The following BASP1 variants were observed in gnomAD, a reference collection of about 807,000 sequenced individuals.
BASP1 encodes the protein brain abundant membrane attached signal protein 1, also known as brain acid soluble protein 1.
A neutral mutation model predicts 2.2 loss-of-function variants in BASP1; 1 was observed. The observed-to-expected ratio is 0.46, with a 90% CI of 0.16 to 2.17. The LOEUF (loss-of-function observed/expected upper bound fraction) is 2.17, where lower values mean the gene tolerates loss of function less well. Among genes scored for constraint, BASP1 ranks in the 30% most tolerant of loss-of-function variants. BASP1 has a pLI of 0.27. For synonymous variants in BASP1, 187 were observed against 154.2 expected, an observed-to-expected ratio of 1.21 and a Z score of -1.58; for missense variants, 352 against 327.2, an observed-to-expected ratio of 1.08 and a Z score of -0.58.
At chr5:17,265,573 C>G (rs1259058910) in intron 1 of BASP1, among the ~76,000 whole-genome samples, 1 of 152,136 alleles carries the variant, frequency 6.6e-6, no homozygotes, top group African/African-American at 2.4e-5. Context: ...CTTAGACCTG[C>G]CACAAAGCAC....
chr5:17,262,478 C>A (rs2126515181), intron 1 of BASP1, among the ~76,000 whole-genome samples: 1 of 152,290 alleles, frequency 6.6e-6, no homozygotes, highest in East Asian at 1.9e-4. Context: ...GTCTTTGTTT[C>A]CTCATGCTAA....
intron 1 of BASP1, among the ~76,000 whole-genome samples, chr5:17,264,354 T>C (rs1357198665): frequency 6.6e-6 from 1 of 152,252 alleles, no homozygotes. Context: ...TTCTTTCCAC[T>C]TGTGTAATTA....
chr5:17,261,289 G>A (rs1471583594), intron 1 of BASP1, among the ~76,000 whole-genome samples: 1 of 152,138 alleles, frequency 6.6e-6, no homozygotes, highest in Non-Finnish European at 1.5e-5. Flanking sequence ...TTGCATACCG[G>A]TTGTTTCACA....
At chr5:17,258,107 T>TG (rs1740251370) in intron 1 of BASP1, among the ~76,000 whole-genome samples, 1 of 152,108 alleles carries the variant, frequency 6.6e-6, no homozygotes, top group East Asian at 1.9e-4. Flanking sequence ...GGAGAGTAGG[T>TG]CTGGGTCATT....
intron 1 of BASP1, among the ~76,000 whole-genome samples, chr5:17,235,511 C>T (rs1321629063): frequency 1.3e-5 from 2 of 152,094 alleles, no homozygotes; most frequent in African/African-American, 4.8e-5. Context: ...ATCAGCCCAC[C>T]TCGGCCTCCC....
At position 17,275,654 on chromosome 5, in the gene BASP1, G is replaced by C. The variant is rs1344240856; in HGVS notation, c.438G>C (p.Gly146=). ...GGGAGGAGCCCAGCAAGGAGGAAGG[G>C]GAACCCAAAAAGACTGAGGCGCCCG... ...AAGEEPSKEE[G]EPKKTEAPAA... Residue 146 remains glycine (G), a synonymous_variant, in exon 2 of 2, where the codon GGG becomes GGC. Transcript: ENST00000322611. This position sits in a 1 kb window ranked among gnomAD's most constrained non-coding sequence, Gnocchi z 5.3. 6.5e-7 allele frequency: 1 copy of C among 1,539,890 alleles called. No homozygotes were observed. The highest frequency in any genetic ancestry group is 1.2e-5 in the South Asian group (1 of 83,664).
intron 1 of BASP1, among the ~76,000 whole-genome samples, chr5:17,218,486 A>G (rs1467404012): frequency 6.6e-6 from 1 of 152,160 alleles, no homozygotes; most frequent in Non-Finnish European, 1.5e-5. Context: ...CAGCCTCGTC[A>G]GTGGCGGAAT....
chr5:17,219,172 A>G (rs1739339146), intron 1 of BASP1, among the ~76,000 whole-genome samples: 1 of 151,686 alleles, frequency 6.6e-6, no homozygotes, highest in Admixed American at 6.6e-5. Flanking sequence ...AAATGAATGA[A>G]TCGGGACTGT....
intron 1 of BASP1, among the ~76,000 whole-genome samples, chr5:17,233,224 G>A (rs2126494307): frequency 6.6e-6 from 1 of 152,316 alleles, no homozygotes; most frequent in South Asian, 2.1e-4. Context: ...ATACCTGTGA[G>A]CTGGGTTGAA....
At chr5:17,239,991 C>G (rs982994165) in intron 1 of BASP1, among the ~76,000 whole-genome samples, 2 of 152,000 alleles carry the variant, frequency 1.3e-5, no homozygotes, top group Non-Finnish European at 2.9e-5. Context: ...ACCAAAATTC[C>G]TACGTTGGAA....
At chr5:17,270,083 C>T (rs907162468) in intron 1 of BASP1, among the ~76,000 whole-genome samples, 1 of 152,166 alleles carries the variant, frequency 6.6e-6, no homozygotes, top group East Asian at 1.9e-4. Context: ...TCACCGCAAC[C>T]TCCACTTCCC....
intron 1 of BASP1, among the ~76,000 whole-genome samples, chr5:17,221,152 A>G (rs1433182732): frequency 6.6e-6 from 1 of 152,144 alleles, no homozygotes; most frequent in Non-Finnish European, 1.5e-5. Context: ...GTCTTTCTAA[A>G]TATGTGTTTG....
At chr5:17,267,076 T>C (rs146423172) in intron 1 of BASP1, among the ~76,000 whole-genome samples, 67 of 152,328 alleles carry the variant, frequency 4.4e-4, no homozygotes, top group African/African-American at 1.5e-3. Context: ...CCTTGTGAGA[T>C]TGATTTAAAC....
At position 17,245,111 on chromosome 5, in the gene BASP1, G is replaced by A. The variant is rs545702273; in HGVS notation, c.-10+27301G>A. ...GAGGTCAGGAGTTCAAGACCAGCCT[G>A]ACCAATATGATGAAACCCCGTCTCT... On this transcript the variant is annotated intron_variant, in intron 1 of 1. Coordinates refer to ENST00000322611, the MANE Select transcript of BASP1 (RefSeq NM_006317.5). 1.6e-4 allele frequency among the ~76,000 whole-genome samples: 24 copies of A among 151,724 alleles called. No individual in the cohort carries two copies. The Middle Eastern group carries it at 0.01, about 65-fold the overall frequency.
chr5:17,249,019 C>G (rs1217247647), intron 1 of BASP1, among the ~76,000 whole-genome samples: 1 of 152,144 alleles, frequency 6.6e-6, no homozygotes, highest in Non-Finnish European at 1.5e-5. Context: ...ATTGTAGAGG[C>G]TCATTGGCAT....
intron 1 of BASP1, among the ~76,000 whole-genome samples, chr5:17,230,569 CATTTT>C (rs1463292986): frequency 6.6e-6 from 1 of 151,886 alleles, no homozygotes; most frequent in African/African-American, 2.4e-5. Context: ...ATTATTATTT[CATTTT>C]ATTTTATTTT....
intron 1 of BASP1, among the ~76,000 whole-genome samples, chr5:17,247,178 CT>C (rs1251875574): frequency 2.0e-5 from 3 of 152,176 alleles, no homozygotes; most frequent in Non-Finnish European, 4.4e-5. Flanking sequence ...GAGCCAGACC[CT>C]GTCTCTAAAT....
intron 1 of BASP1, among the ~76,000 whole-genome samples, chr5:17,267,455 A>G (rs1277653806): frequency 6.6e-6 from 1 of 152,210 alleles, no homozygotes; most frequent in Non-Finnish European, 1.5e-5. Flanking sequence ...AATGTTAAAA[A>G]ACATTCTGTG....
chr5:17,242,232 A>C (rs1168983807), intron 1 of BASP1, among the ~76,000 whole-genome samples: 2 of 152,222 alleles, frequency 1.3e-5, no homozygotes, highest in African/African-American at 4.8e-5. Flanking sequence ...AGTTGTTATT[A>C]AAATGCAAGA....
Sources: gnomAD v4.1 joint callset for allele counts (sites outside exome capture counted in the v4.1 genomes callset) on GRCh38, gnomAD v4.1.1 for gene constraint, Gnocchi (gnomAD v3.1) non-coding constraint, MANE v1.5 for transcripts, NCBI Gene and HGNC (gene_info 2026-07-23, HGNC 2026-07-21) for gene names.